GSX1: variants seen among roughly 807,000 people sequenced by gnomAD.
GSX1 encodes GS homeobox 1.
GSX1 carries 13 observed loss-of-function variants against 17.7 expected under a neutral mutation model. The observed-to-expected ratio is 0.74, with a 90% CI of 0.48 to 1.17. The LOEUF (loss-of-function observed/expected upper bound fraction) is 1.17, where lower values mean the gene tolerates loss of function less well. GSX1 is among the 50% of genes most tolerant of loss of function. GSX1 has a pLI of 0.00. For missense variants in GSX1, 371 were observed against 372.1 expected (o/e 1.00, Z 0.02); for synonymous variants, 202 against 176.2 (o/e 1.15, Z -1.16).
At position 27,794,648 on chromosome 13, in the gene GSX1, T is replaced by A. The variant is rs1374544602; in HGVS notation, c.*700T>A. 1 of 152,034 alleles carries A rather than the reference T, an allele frequency of 6.6e-6. No homozygotes were observed. The highest frequency in any genetic ancestry group is 1.5e-5 in the Non-Finnish European group (1 of 68,040). The allele number at this position is 152,034 out of a possible 1,614,324, so 9.4% of individuals were successfully genotyped here. A position where few individuals can be genotyped will look rare whatever the true frequency, so the allele number is the denominator to read the frequency against. On this transcript the variant is annotated 3_prime_UTR_variant, in exon 2 of 2. Transcript: ENST00000302945. ...CAGATTTGCTCTGTTTCCAACACGC[T>A]CTTCCTTCCTCTAAACATAGGACCC...
rs371360518 is a variant in GSX1 at position 27,793,820 on chromosome 13, G to A, written c.667G>A (p.Gly223Arg). The A allele has an allele frequency of 1.5e-5, 25 of 1,613,056 alleles. No homozygotes were observed. In the African/African-American group the frequency reaches 3.1e-4, roughly 20 times the overall value. Residue 223 changes from glycine (G) to arginine (R), a missense_variant, in exon 2 of 2, where the codon GGG (glycine) becomes AGG (arginine). Around this residue, in one of 3 missense-constraint regions of GSX1, gnomAD observed 92 missense variants for 70.0 expected, o/e 1.31. Coordinates refer to ENST00000302945, the MANE Select transcript of GSX1 (RefSeq NM_145657.3). The surrounding 1 kb of genome is among the most constrained non-coding windows in gnomAD (Gnocchi z 6.2). ...CGGCGGCGGGGGTGCCGGTGGTGGC[G>A]GGAGCGCACCGCAAGGCTGCAAGTG... ...GGGGGGAGGG[G>R]SAPQGCKCAS...
chr13:27,792,784 G>T lies in GSX1; in HGVS notation c.94G>T (p.Ala32Ser). The T allele has an allele frequency of 6.7e-7, 1 of 1,499,796 alleles. No homozygotes were observed. The allele number at this position is 1,499,796 out of a possible 1,614,324, so 92.9% of individuals were successfully genotyped here. A position where few individuals can be genotyped will look rare whatever the true frequency, so the allele number is the denominator to read the frequency against. Reference sequence around the variant, plus strand: ...CAGCCCGCCGCCGCTCTTCCCCTACGCTGTGCCCCCGCCGCACGCGCTGCA... The same window carrying T: ...CAGCCCGCCGCCGCTCTTCCCCTACTCTGTGCCCCCGCCGCACGCGCTGCA... ...EGSPPPLFPYAVPPPHALHGL... is the reference protein window; with the variant it reads ...EGSPPPLFPYSVPPPHALHGL... The change falls in exon 1 of 2, where the codon GCT (alanine) becomes TCT (serine). Residue 32 changes from alanine to serine, a missense_variant. Physicochemically the swap from Ala to Ser is moderately conservative, Grantham distance 99. Around this residue, in one of 3 missense-constraint regions of GSX1, gnomAD observed 212 missense variants for 193.9 expected, o/e 1.09. Coordinates refer to ENST00000302945, the MANE Select transcript of GSX1 (RefSeq NM_145657.3).
In GSX1 at chr13:27,792,801, C is replaced by G. The variant is rs775809436; in HGVS notation, c.111C>G (p.His37Gln). 1 of 1,501,762 alleles carries G rather than the reference C, an allele frequency of 6.7e-7. No homozygotes were observed. The highest frequency in any genetic ancestry group is 8.8e-7 in the Non-Finnish European group (1 of 1,133,496). 93.0% of individuals were successfully genotyped at this position (1,501,762 alleles called of 1,614,324 possible). A position where few individuals can be genotyped will look rare whatever the true frequency, so the allele number is the denominator to read the frequency against. ...TCCCCTACGCTGTGCCCCCGCCGCA[C>G]GCGCTGCACGGTCTCTCGCCTGGCG... ...PLFPYAVPPP[H>Q]ALHGLSPGAC... Residue 37 changes from histidine (H) to glutamine (Q), a missense_variant, in exon 1 of 2, where the codon CAC becomes CAG. His to Gln is a conservative substitution (Grantham distance 24, BLOSUM62 0). Around this residue, in one of 3 missense-constraint regions of GSX1, gnomAD observed 212 missense variants for 193.9 expected, o/e 1.09. Transcript: ENST00000302945.
Position 27,793,135 on chromosome 13 carries a change from A to G in GSX1, c.412+33A>G. ...GGGCCGCCGCGCAGAGGGACCGGGC[A>G]GAGGTGATCCGAAGCAGGATGGAGA... On this transcript the variant is annotated intron_variant, in intron 1 of 1. Transcript: ENST00000302945. The surrounding 1 kb of genome is among the most constrained non-coding windows in gnomAD (Gnocchi z 6.2). The G allele has an allele frequency of 6.7e-7, 1 of 1,487,154 alleles. No homozygotes were observed. Among genetic ancestry groups the G allele is most frequent in the Non-Finnish European group, 8.9e-7 (1 of 1,125,326 alleles). 92.1% of individuals were successfully genotyped at this position (1,487,154 alleles called of 1,614,324 possible). A position where few individuals can be genotyped will look rare whatever the true frequency, so the allele number is the denominator to read the frequency against.
Position 27,792,834 on chromosome 13 carries a change from C to T in GSX1, c.144C>T (p.His48=), listed in dbSNP as rs1410792918. 1 of 1,508,376 alleles carries T rather than the reference C, an allele frequency of 6.6e-7. No individual in the cohort carries two copies. Among genetic ancestry groups the T allele is most frequent in the Non-Finnish European group, 8.8e-7 (1 of 1,136,036 alleles). 93.4% of individuals were successfully genotyped at this position (1,508,376 alleles called of 1,614,324 possible). ...ACGGTCTCTCGCCTGGCGCCTGCCA[C>T]GCGCGCAAGGCTGGGCTGCTGTGCG... is the stretch of plus-strand genomic sequence containing the variant. ...ALHGLSPGAC[H]ARKAGLLCVC... is the part of the protein sequence containing the mutation. Residue 48 remains histidine, a synonymous_variant, in exon 1 of 2, where the codon CAC becomes CAT. Transcript: ENST00000302945.
At position 27,792,729 on chromosome 13, in the gene GSX1, C is replaced by T. The variant is rs1364387164; in HGVS notation, c.39C>T (p.Arg13=). 4 of 1,477,012 alleles carry T rather than the reference C, an allele frequency of 2.7e-6. No homozygotes were observed. The highest frequency in any genetic ancestry group is 4.7e-5 in the Admixed American group (2 of 42,258). 91.5% of individuals were successfully genotyped at this position (1,477,012 alleles called of 1,614,324 possible). Residue 13 remains arginine, a synonymous_variant, in exon 1 of 2, where the codon CGC becomes CGT. Coordinates refer to ENST00000302945, the MANE Select transcript of GSX1 (RefSeq NM_145657.3). ...TCCTGGTGGACTCGCTAGTGCTGCGCGAGGCGGGCGAGAAGAAGGCGCCCG... is the reference window on the plus strand; with the variant it reads ...TCCTGGTGGACTCGCTAGTGCTGCGTGAGGCGGGCGAGAAGAAGGCGCCCG... ...RSFLVDSLVL[R]EAGEKKAPEG...
rs1957080295 is a variant in GSX1 at position 27,793,593 on chromosome 13, G to A, written c.440G>A (p.Ser147Asn). 1 of 1,613,560 alleles carries A rather than the reference G, an allele frequency of 6.2e-7. No individual in the cohort carries two copies. The change falls in exon 2 of 2, where the codon AGC (serine) becomes AAC (asparagine). Residue 147 changes from serine (S) to asparagine (N), a missense_variant. Transcript: ENST00000302945. The surrounding 1 kb of genome is among the most constrained non-coding windows in gnomAD (Gnocchi z 6.2). ...AGCAGCTCTAACCAGCTGCCCAGCA[G>A]CAAGAGGATGCGCACGGCTTTCACC... is the stretch of plus-strand genomic sequence containing the variant. Reference protein sequence around the residue: ...VDSSSNQLPSSKRMRTAFTST... With the variant: ...VDSSSNQLPSNKRMRTAFTST...
At position 27,794,072 on chromosome 13, in the gene GSX1, C is replaced by T; in HGVS notation, c.*124C>T. On this transcript the variant is annotated 3_prime_UTR_variant, in exon 2 of 2. Coordinates refer to ENST00000302945, the MANE Select transcript of GSX1 (RefSeq NM_145657.3). ...ACTGCCTGGCATGGATTTGGCACTG[C>T]TTTGCAGAGGTCCCGGGCCTGGGCA... 9.0e-7 allele frequency: 1 copy of T among 1,109,468 alleles called. No homozygotes were observed. The highest frequency in any genetic ancestry group is 1.3e-6 in the Non-Finnish European group (1 of 793,144). The allele number at this position is 1,109,468 out of a possible 1,614,324, so 68.7% of individuals were successfully genotyped here.
Position 27,793,224 on chromosome 13 carries a change from A to C in GSX1, c.412+122A>C. The C allele has an allele frequency of 9.0e-7, 1 of 1,112,838 alleles. No individual in the cohort carries two copies. Among genetic ancestry groups the C allele is most frequent in the Non-Finnish European group, 1.2e-6 (1 of 812,494 alleles). The allele number at this position is 1,112,838 out of a possible 1,614,324, so 68.9% of individuals were successfully genotyped here. ...GGCGGTGAGGGTCATGTCGGGGACT[A>C]AGGGGGGCGCTTGGGGTGGAGTGAG... is the stretch of plus-strand genomic sequence containing the variant. On this transcript the variant is annotated intron_variant, in intron 1 of 1. Coordinates refer to ENST00000302945, the MANE Select transcript of GSX1 (RefSeq NM_145657.3). This position sits in a 1 kb window ranked among gnomAD's most constrained non-coding sequence, Gnocchi z 6.2.
Position 27,793,905 on chromosome 13 carries a change from C to G in GSX1, c.752C>G (p.Ser251Cys). ...EDDDELPMSP[S>C]SSGKDDRDLT... ...GACGACGAATTGCCCATGTCTCCGT[C>G]CTCCTCAGGGAAGGACGACCGGGAT... The change falls in exon 2 of 2, where the codon TCC (serine) becomes TGC (cysteine). Residue 251 changes from serine to cysteine, a missense_variant. This residue lies in a region of GSX1 where 92 missense variants were observed against 70.0 expected (regional missense o/e 1.31). Transcript: ENST00000302945. This position sits in a 1 kb window ranked among gnomAD's most constrained non-coding sequence, Gnocchi z 6.2. The G allele has an allele frequency of 2.5e-6, 4 of 1,575,372 alleles. No individual in the cohort carries two copies. The highest frequency in any genetic ancestry group is 3.4e-6 in the Non-Finnish European group (4 of 1,159,856).
chr13:27,794,202 C>A lies in GSX1; in HGVS notation c.*254C>A. 1 of 474,732 alleles carries A rather than the reference C, an allele frequency of 2.1e-6. No individual in the cohort carries two copies. Among genetic ancestry groups the A allele is most frequent in the Middle Eastern group, 5.5e-4 (1 of 1,824 alleles). 29.4% of individuals were successfully genotyped at this position (474,732 alleles called of 1,614,324 possible). A position where few individuals can be genotyped will look rare whatever the true frequency, so the allele number is the denominator to read the frequency against. On this transcript the variant is annotated 3_prime_UTR_variant, in exon 2 of 2. Transcript: ENST00000302945. ...TGAACACTGTAAGCGCTCGAGTCCT[C>A]CTGGGCAGTGCAGCACCGCGGCCCC...
At position 27,793,196 on chromosome 13, in the gene GSX1, G is replaced by T; in HGVS notation, c.412+94G>T. On this transcript the variant is annotated intron_variant, in intron 1 of 1. Transcript: ENST00000302945. The surrounding 1 kb of genome is among the most constrained non-coding windows in gnomAD (Gnocchi z 6.2). ...GAGGAAGAGGGACCCTGGGCTTTCT[G>T]GGGGCGGTGAGGGTCATGTCGGGGA... 1 of 1,343,258 alleles carries T rather than the reference G, an allele frequency of 7.4e-7. No individual in the cohort carries two copies. The highest frequency in any genetic ancestry group is 9.8e-7 in the Non-Finnish European group (1 of 1,020,264). 83.2% of individuals were successfully genotyped at this position (1,343,258 alleles called of 1,614,324 possible).
chr13:27,793,890 T>C lies in GSX1; in HGVS notation c.737T>C (p.Leu246Ser). 1 of 1,586,612 alleles carries C rather than the reference T, an allele frequency of 6.3e-7. No individual in the cohort carries two copies. The highest frequency in any genetic ancestry group is 8.6e-7 in the Non-Finnish European group (1 of 1,164,670). The change falls in exon 2 of 2, where the codon TTG (leucine) becomes TCG (serine). Residue 246 changes from leucine (L) to serine (S), a missense_variant. This residue lies in a region of GSX1 where 92 missense variants were observed against 70.0 expected (regional missense o/e 1.31). Coordinates refer to ENST00000302945, the MANE Select transcript of GSX1 (RefSeq NM_145657.3). This position sits in a 1 kb window ranked among gnomAD's most constrained non-coding sequence, Gnocchi z 6.2. Reference protein sequence around the residue: ...SAKCSEDDDELPMSPSSSGKD... With the variant: ...SAKCSEDDDESPMSPSSSGKD... ...AAGTGCTCCGAGGATGACGACGAATTGCCCATGTCTCCGTCCTCCTCAGGG... is the reference window on the plus strand; with the variant it reads ...AAGTGCTCCGAGGATGACGACGAATCGCCCATGTCTCCGTCCTCCTCAGGG...
rs1957076475 is a variant in GSX1, at chr13:27,793,020, G to A, written c.330G>A (p.Pro110=). 6.3e-7 allele frequency: 1 copy of A among 1,579,608 alleles called. No individual in the cohort carries two copies. The highest frequency in any genetic ancestry group is 1.3e-5 in the African/African-American group (1 of 74,506). ...TGTCGCCCGGGGTCGCTCACGGCCC[G>A]GCCGCCGCTGCTGCTGCCGCCGCGC... ...SAVSPGVAHG[P]AAAAAAAALY... Residue 110 remains proline, a synonymous_variant, in exon 1 of 2, where the codon CCG becomes CCA. Transcript: ENST00000302945. This position sits in a 1 kb window ranked among gnomAD's most constrained non-coding sequence, Gnocchi z 6.2.
chr13:27,793,347 C>A lies in GSX1; in HGVS notation c.413-219C>A, dbSNP rs1403178486. Among the ~76,000 whole-genome samples, 1 of 152,020 alleles carries A rather than the reference C, an allele frequency of 6.6e-6. No individual in the cohort carries two copies. The highest frequency in any genetic ancestry group is 1.5e-5 in the Non-Finnish European group (1 of 68,018). ...TAAGTGAGGGCTGGGATCCAAGGCT[C>A]TCCATGAAGGGGAAGGGGTTCCAGG... is the stretch of plus-strand genomic sequence containing the variant. On this transcript the variant is annotated intron_variant, in intron 1 of 1. Transcript: ENST00000302945. This position sits in a 1 kb window ranked among gnomAD's most constrained non-coding sequence, Gnocchi z 6.2.
chr13:27,793,485 G>T lies in GSX1; in HGVS notation c.413-81G>T, dbSNP rs1593330738. 6 of 1,409,956 alleles carry T rather than the reference G, an allele frequency of 4.3e-6. No individual in the cohort carries two copies. The East Asian group carries it at 1.4e-4, about 32-fold the overall frequency. 87.3% of individuals were successfully genotyped at this position (1,409,956 alleles called of 1,614,324 possible). ...GATGGGTAAGAGGTCAAAGTCGTAG[G>T]ATTCTGGCGACCGCCTACCAAGGGA... On this transcript the variant is annotated intron_variant, in intron 1 of 1. Coordinates refer to ENST00000302945, the MANE Select transcript of GSX1 (RefSeq NM_145657.3). This position sits in a 1 kb window ranked among gnomAD's most constrained non-coding sequence, Gnocchi z 6.2.
Position 27,792,972 on chromosome 13 carries a change from C to T in GSX1, c.282C>T (p.Pro94=), listed in dbSNP as rs749586068. Reference sequence around the variant, plus strand: ...TCGGCTCGCAGTACTGCCACGCGCCCCTGGGCCGCCAGCACTCTGCTGTGT... The same window carrying T: ...TCGGCTCGCAGTACTGCCACGCGCCTCTGGGCCGCCAGCACTCTGCTGTGT... The part of the protein sequence containing the change: ...PPFGSQYCHA[P]LGRQHSAVSP... Residue 94 remains proline (P), a synonymous_variant, in exon 1 of 2, where the codon CCC becomes CCT. Transcript: ENST00000302945. The T allele has an allele frequency of 6.4e-7, 1 of 1,551,990 alleles. No individual in the cohort carries two copies. The highest frequency in any genetic ancestry group is 1.4e-5 in the African/African-American group (1 of 73,856).
chr13:27,794,047 AC>A lies in GSX1; in HGVS notation c.*100del. The A allele has an allele frequency of 7.6e-7, 1 of 1,307,230 alleles. No individual in the cohort carries two copies. The highest frequency in any genetic ancestry group is 1.0e-6 in the Non-Finnish European group (1 of 962,980). 81.0% of individuals were successfully genotyped at this position (1,307,230 alleles called of 1,614,324 possible). A position where few individuals can be genotyped will look rare whatever the true frequency, so the allele number is the denominator to read the frequency against. On this transcript the variant is annotated 3_prime_UTR_variant, in exon 2 of 2. Coordinates refer to ENST00000302945, the MANE Select transcript of GSX1 (RefSeq NM_145657.3). ...ATTCCCAGGCACCCGCAGCCAAACCACTGCCTGGCATGGATTTGGCACTGCT... is the reference window on the plus strand; with the variant it reads ...ATTCCCAGGCACCCGCAGCCAAACCATGCCTGGCATGGATTTGGCACTGCT...
Position 27,793,139 on chromosome 13 carries a change from G to A in GSX1, c.412+37G>A. ...CGCCGCGCAGAGGGACCGGGCAGAGGTGATCCGAAGCAGGATGGAGAGCCA... is the reference window on the plus strand; with the variant it reads ...CGCCGCGCAGAGGGACCGGGCAGAGATGATCCGAAGCAGGATGGAGAGCCA... On this transcript the variant is annotated intron_variant, in intron 1 of 1. Transcript: ENST00000302945. The surrounding 1 kb of genome is among the most constrained non-coding windows in gnomAD (Gnocchi z 6.2). 1 of 1,467,618 alleles carries A rather than the reference G, an allele frequency of 6.8e-7. No individual in the cohort carries two copies. Among genetic ancestry groups the A allele is most frequent in the South Asian group, 1.4e-5 (1 of 71,704 alleles). The allele number at this position is 1,467,618 out of a possible 1,614,324, so 90.9% of individuals were successfully genotyped here. A position where few individuals can be genotyped will look rare whatever the true frequency, so the allele number is the denominator to read the frequency against.
Sources: allele counts gnomAD v4.1 joint callset (sites outside exome capture counted in the v4.1 genomes callset), GRCh38; gene constraint gnomAD v4.1.1; regional missense constraint gnomAD v4.1.1; non-coding constraint Gnocchi (gnomAD v3.1); transcripts MANE v1.5; gene names NCBI Gene and HGNC (gene_info 2026-07-23, HGNC 2026-07-21).